The following UMOD variants were observed in gnomAD, a reference collection of about 807,000 sequenced individuals.
UMOD encodes Tamm-Horsfall urinary glycoprotein.
In UMOD, 64 loss-of-function variants were observed where a neutral mutation model predicts 66.0. That is an observed-to-expected ratio of 0.97 (90% confidence interval 0.79 to 1.19). The LOEUF is 1.19. Among genes scored for constraint, UMOD ranks in the 50% most tolerant of loss-of-function variants. The pLI is 0.00. For missense variants in UMOD, 764 were observed against 850.9 expected (o/e 0.90, Z 1.27); for synonymous variants, 398 against 352.7 (o/e 1.13, Z -1.44).
At chr16:20,352,141 TAA>T (rs1316170564) in intron 1 of UMOD, among the ~76,000 whole-genome samples, 1 of 151,830 alleles carries the variant, frequency 6.6e-6, no homozygotes, top group East Asian at 1.9e-4. Context: ...CTTACTACAT[TAA>T]GTGATTTAAT....
At chr16:20,344,288 C>G in intron 5 of UMOD, 116 bp from the exon 6 acceptor site, 1 of 1,015,102 alleles carries the variant, frequency 9.9e-7, no homozygotes, top group South Asian at 1.4e-5. Flanking sequence ...TTGTGAGCCG[C>G]TCTCCTAGTC....
At chr16:20,347,255 T>G (rs1221623433) in intron 4 of UMOD, among the ~76,000 whole-genome samples, 1 of 152,146 alleles carries the variant, frequency 6.6e-6, no homozygotes, top group Non-Finnish European at 1.5e-5. Context: ...ACTCCTGACC[T>G]CAGGTGATCT....
At chr16:20,333,760 G>C (rs1445995999) in intron 10 of UMOD, among the ~76,000 whole-genome samples, 3 of 152,130 alleles carry the variant, frequency 2.0e-5, no homozygotes, top group Admixed American at 2.0e-4. Context: ...TTAGCCGGGT[G>C]GGGTGGCTCA....
At chr16:20,339,488 TTTG>T in intron 7 of UMOD, among the ~76,000 whole-genome samples, 1 of 152,346 alleles carries the variant, frequency 6.6e-6, no homozygotes, top group South Asian at 2.1e-4. Flanking sequence ...TTGTATTAAG[TTTG>T]AGTTAGACTC....
At chr16:20,341,504 G>A (rs1021330119) in intron 6 of UMOD, among the ~76,000 whole-genome samples, 168 bp from the exon 7 acceptor site, 14 of 152,278 alleles carry the variant, frequency 9.2e-5, no homozygotes, top group Non-Finnish European at 1.5e-4. Context: ...ATAAGTACAC[G>A]CAGGTCAACT....
chr16:20,352,828 T>G (rs1567314248), upstream of UMOD: 1 of 962,486 alleles, frequency 1.0e-6, no homozygotes. Context: ...GGTGGAATAT[T>G]TTTTCCTCCT....
chr16:20,336,048 AC>A (rs1964850333), intron 9 of UMOD, among the ~76,000 whole-genome samples: 1 of 152,230 alleles, frequency 6.6e-6, no homozygotes, highest in Admixed American at 6.5e-5. Context: ...TGGGGGCTAG[AC>A]TGCCTTTGTA....
chr16:20,356,186 C>T (rs1248342005), upstream of UMOD: 1 of 152,328 alleles, frequency 6.6e-6, no homozygotes. Context: ...ATTACCTGTC[C>T]CACCTACCTC....
At chr16:20,341,956 A>G (rs1567303867) in intron 6 of UMOD, among the ~76,000 whole-genome samples, 1 of 152,270 alleles carries the variant, frequency 6.6e-6, no homozygotes, top group Non-Finnish European at 1.5e-5. Flanking sequence ...GCCTCATGAA[A>G]TAAGGCACAT....
rs1365781210 is a variant in UMOD, at chr16:20,341,279, G to A, written c.1389C>T (p.Phe463=). 5 of 1,613,978 alleles carry A rather than the reference G, an allele frequency of 3.1e-6. No individual in the cohort carries two copies. Among genetic ancestry groups the A allele is most frequent in the East Asian group, 2.2e-5 (1 of 44,876 alleles). The change falls in exon 7 of 11, where the codon TTC becomes TTT. Residue 463 remains phenylalanine, a synonymous_variant. Coordinates refer to ENST00000396138, the MANE Select transcript of UMOD (RefSeq NM_003361.4). ...TGMFTVRMAL[F]QTPSYTQPYQ... ...AGGGCTGCGTGTAGGAAGGGGTCTG[G>A]AAGAGCGCCATCCGCACGGTGAACA...
At chr16:20,337,187 C>T in intron 8 of UMOD, 104 bp downstream of exon 8, 1 of 1,461,024 alleles carries the variant, frequency 6.8e-7, no homozygotes, top group Non-Finnish European at 9.4e-7. Flanking sequence ...TCATTCTATC[C>T]CTCTGGTAAA....
At position 20,346,160 on chromosome 16, in the gene UMOD, G is replaced by A. The variant is rs181197211; in HGVS notation, c.1148C>T (p.Pro383Leu). The change falls in exon 5 of 11, where the codon CCA (proline) becomes CTA (leucine). Residue 383 changes from proline to leucine, a missense_variant. Pro to Leu is a moderately conservative substitution (Grantham distance 98, BLOSUM62 -3). Transcript: ENST00000396138. ...DNRDWVSVVT[P>L]ARDGPCGTVL... ...TGTCCCACAGGGGCCATCCCGGGCT[G>A]GGGTCACTACAGACACCCAGTCCCG... 5.6e-6 allele frequency: 9 copies of A among 1,614,160 alleles called. No individual in the cohort carries two copies. The Admixed American group carries it at 1.3e-4, about 24-fold the overall frequency.
intron 7 of UMOD, among the ~76,000 whole-genome samples, chr16:20,337,899 C>G (rs1371852903): frequency 5.3e-5 from 8 of 152,080 alleles, no homozygotes; most frequent in African/African-American, 1.7e-4. Flanking sequence ...GGAGTGTGTG[C>G]ACCCATCTGC....
Position 20,348,995 on chromosome 16 carries a change from G to A in UMOD, c.306C>T (p.Pro102=), listed in dbSNP as rs769310428. Residue 102 remains proline, a synonymous_variant, in exon 3 of 11, where the codon CCC becomes CCT. Coordinates refer to ENST00000396138, the MANE Select transcript of UMOD (RefSeq NM_003361.4). ...CVCPEGFRLS[P]GLGCTDVDEC... Reference sequence around the variant, plus strand: ...CATCCACGTCTGTGCAGCCGAGACCGGGCGACAGGCGGAAGCCTTCGGGGC... The same window carrying A: ...CATCCACGTCTGTGCAGCCGAGACCAGGCGACAGGCGGAAGCCTTCGGGGC... The A allele has an allele frequency of 2.5e-6, 4 of 1,578,156 alleles. No individual in the cohort carries two copies. Among genetic ancestry groups the A allele is most frequent in the African/African-American group, 1.3e-5 (1 of 74,106 alleles).
At chr16:20,345,176 G>T (rs1199972554) in intron 5 of UMOD, among the ~76,000 whole-genome samples, 2 of 151,978 alleles carry the variant, frequency 1.3e-5, no homozygotes, top group Non-Finnish European at 2.9e-5. Context: ...AACAGGTCCA[G>T]CAAATTTTTG....
rs377428168 is a variant in UMOD, at chr16:20,348,304, C to T, written c.892G>A (p.Glu298Lys). 1.2e-6 allele frequency: 2 copies of T among 1,614,146 alleles called. No individual in the cohort carries two copies. The highest frequency in any genetic ancestry group is 1.7e-6 in the Non-Finnish European group (2 of 1,180,060). ...TDPSSVEGTC[E>K]ECSIDEDCKS... ...CAGTCCTCGTCTATACTGCACTCCT[C>T]ACACGTCCCCTCCACGGAGCTGGGG... Residue 298 changes from glutamate to lysine, a missense_variant, in exon 4 of 11, where the codon GAG becomes AAG. Transcript: ENST00000396138.
chr16:20,341,324 G>A lies in UMOD; in HGVS notation c.1344C>T (p.Ile448=). ...ALQPMVSALN[I]RVGGTGMFTV... Reference sequence around the variant, plus strand: ...TGAACATGCCGGTCCCGCCCACTCTGATGTTTAGAGCACTGCCAGGGGAGA... The same window carrying A: ...TGAACATGCCGGTCCCGCCCACTCTAATGTTTAGAGCACTGCCAGGGGAGA... The change falls in exon 7 of 11, where the codon ATC becomes ATT. Residue 448 remains isoleucine, a synonymous_variant. Transcript: ENST00000396138. 6.2e-7 allele frequency: 1 copy of A among 1,613,756 alleles called. No individual in the cohort carries two copies. Among genetic ancestry groups the A allele is most frequent in the South Asian group, 1.1e-5 (1 of 91,072 alleles).
chr16:20,350,687 C>T lies in UMOD; in HGVS notation c.51G>A (p.Trp17Ter). Residue 17 changes from tryptophan to a stop codon, truncating the protein, a stop_gained, in exon 2 of 11, where the codon TGG becomes TGA. Transcript: ENST00000396138. LOFTEE classifies it high-confidence loss of function. The stretch of plus-strand genomic sequence containing the variant: ...TGTCAGTGGCTGCAGTTGTGATGAA[C>T]CAAGAGGCCACCACCACCATCAGCA... ...TWMLMVVVAS[W>*]FITTAATDTS... The T allele has an allele frequency of 1.2e-6, 2 of 1,614,140 alleles. No homozygotes were observed. The highest frequency in any genetic ancestry group is 1.7e-6 in the Non-Finnish European group (2 of 1,180,012).
intron 6 of UMOD, 135 bp downstream of exon 6, chr16:20,343,889 C>A: frequency 9.5e-7 from 1 of 1,048,772 alleles, no homozygotes; most frequent in Non-Finnish European, 1.4e-6. Context: ...GAATTCCTGG[C>A]TCTTCCATTG....
Sources: allele counts gnomAD v4.1 joint callset (sites outside exome capture counted in the v4.1 genomes callset), GRCh38; gene constraint gnomAD v4.1.1; transcripts MANE v1.5; gene names NCBI Gene and HGNC (gene_info 2026-07-23, HGNC 2026-07-21).